Variants in NRG4 observed in about 807,000 individuals in gnomAD.
The protein encoded by NRG4 is neuregulin 4.
In NRG4, 10 loss-of-function variants were observed where a neutral mutation model predicts 15.0. The ratio of observed to expected loss-of-function variants is 0.67; its 90% confidence interval spans 0.41 to 1.13. The LOEUF is 1.13. NRG4 is among the 50% of genes most tolerant of loss of function. The pLI is 0.00. For missense variants in NRG4, 139 were observed against 140.2 expected, an observed-to-expected ratio of 0.99 and a Z score of 0.04; for synonymous variants, 41 against 50.1, an observed-to-expected ratio of 0.82 and a Z score of 0.77.
chr15:75,940,563 G>C (rs1396566385), downstream of NRG4: 1 of 151,498 alleles, frequency 6.6e-6, no homozygotes, highest in African/African-American at 2.4e-5. Flanking sequence ...ACAAATTGGA[G>C]GACTTAAACC....
downstream of NRG4, chr15:75,935,905 A>T (rs539617649): frequency 6.6e-6 from 1 of 152,130 alleles, no homozygotes; most frequent in South Asian, 2.1e-4. Context: ...CTCCTGCCTC[A>T]GCCTCCCGAG....
chr15:75,996,594 G>A (rs2034224563), intron 3 of NRG4, among the ~76,000 whole-genome samples: 1 of 152,050 alleles, frequency 6.6e-6, no homozygotes, highest in South Asian at 2.1e-4. Flanking sequence ...AAGAGATTTG[G>A]TCACAAAATT....
intron 3 of NRG4, among the ~76,000 whole-genome samples, chr15:75,966,294 T>C (rs1382286498): frequency 6.6e-6 from 1 of 152,220 alleles, no homozygotes; most frequent in Non-Finnish European, 1.5e-5. Flanking sequence ...GAAACATTAC[T>C]GGACTGTGAA....
chr15:76,024,816 A>G (rs1302809250), intron 5 of NRG4, among the ~76,000 whole-genome samples: 4 of 152,206 alleles, frequency 2.6e-5, no homozygotes, highest in African/African-American at 7.2e-5. Context: ...ATACTACATG[A>G]TAATCTAGAC....
chr15:76,045,594 A>G (rs1240632687), intron 4 of NRG4, among the ~76,000 whole-genome samples: 2 of 151,156 alleles, frequency 1.3e-5, no homozygotes, highest in East Asian at 3.8e-4. Flanking sequence ...CTATTCAGCC[A>G]TAAAAAAAAG....
At chr15:76,015,059 C>T (rs1209734315), upstream of NRG4, among the ~76,000 whole-genome samples, 1 of 152,180 alleles carries the variant, frequency 6.6e-6, no homozygotes, top group Non-Finnish European at 1.5e-5. Context: ...AGGTCCTTCA[C>T]ATCCCTTGTG....
intron 5 of NRG4, among the ~76,000 whole-genome samples, chr15:76,019,590 T>C (rs1432039872): frequency 2.6e-5 from 4 of 152,208 alleles, no homozygotes; most frequent in African/African-American, 9.6e-5. Flanking sequence ...TTCCCTTGGC[T>C]AGGGGGGTAG....
chr15:76,017,852 C>T (rs1379223804), intron 5 of NRG4, among the ~76,000 whole-genome samples: 1 of 152,030 alleles, frequency 6.6e-6, no homozygotes, highest in Admixed American at 6.6e-5. Flanking sequence ...CTCGGTATTT[C>T]CTGAATTTTA....
chr15:75,966,443 G>C (rs1168881144), intron 3 of NRG4, among the ~76,000 whole-genome samples: 24 of 152,188 alleles, frequency 1.6e-4, no homozygotes, highest in Admixed American at 1.6e-3. Flanking sequence ...AAGTAAGAAT[G>C]TCTAGAGTGC....
At chr15:75,998,862 T>C (rs1201448520) in intron 3 of NRG4, among the ~76,000 whole-genome samples, 1 of 152,122 alleles carries the variant, frequency 6.6e-6, no homozygotes, top group Non-Finnish European at 1.5e-5. Flanking sequence ...GAAACTTTCC[T>C]AAAGGGAATT....
intron 3 of NRG4, among the ~76,000 whole-genome samples, chr15:75,971,732 G>A (rs1355558565): frequency 6.6e-6 from 1 of 152,088 alleles, no homozygotes; most frequent in Non-Finnish European, 1.5e-5. Context: ...CTTTAAAGGT[G>A]CTAAACTCAA....
At chr15:76,049,828 A>T (rs1029632451) in intron 4 of NRG4, among the ~76,000 whole-genome samples, 2 of 150,634 alleles carry the variant, frequency 1.3e-5, no homozygotes, top group Non-Finnish European at 2.9e-5. Context: ...CCACTTGAAC[A>T]CACTGTTCTT....
chr15:76,050,828 T>C (rs2035989802), intron 4 of NRG4, among the ~76,000 whole-genome samples: 3 of 147,996 alleles, frequency 2.0e-5, no homozygotes, highest in Admixed American at 1.3e-4. Flanking sequence ...TTTTAAGATA[T>C]GGGGTCTCAG....
At chr15:75,950,568 C>T in intron 5 of NRG4, 1 of 245,922 alleles carries the variant, frequency 4.1e-6, no homozygotes, top group Non-Finnish European at 8.9e-6. Flanking sequence ...ACTCAATTAC[C>T]TCCGTTGTTT....
intron 1 of NRG4, 190 bp downstream of exon 1, chr15:76,012,129 C>G (rs2034831846): frequency 6.6e-6 from 1 of 151,996 alleles, no homozygotes; most frequent in South Asian, 2.1e-4. Flanking sequence ...CCAAGGTCTT[C>G]TCTCAAAGCC....
At chr15:76,033,115 T>G (rs751785154) in intron 5 of NRG4, among the ~76,000 whole-genome samples, 12 of 152,230 alleles carry the variant, frequency 7.9e-5, no homozygotes, top group Admixed American at 2.6e-4. Context: ...ATTCTACTCC[T>G]AAAAGTAAAA....
intron 3 of NRG4, among the ~76,000 whole-genome samples, chr15:75,973,748 G>A (rs1249239825): frequency 2.6e-5 from 4 of 152,166 alleles, no homozygotes; most frequent in Non-Finnish European, 1.5e-5. Flanking sequence ...GCTTTTTGAT[G>A]TGCTGCTGGA....
At chr15:75,996,205 T>A (rs185549094) in intron 3 of NRG4, among the ~76,000 whole-genome samples, 10 of 152,246 alleles carry the variant, frequency 6.6e-5, no homozygotes, top group Admixed American at 5.9e-4. Context: ...AATGCTTACT[T>A]TAGACACTAG....
At chr15:76,037,693 C>T (rs918649056) in intron 4 of NRG4, among the ~76,000 whole-genome samples, 3 of 152,086 alleles carry the variant, frequency 2.0e-5, no homozygotes, top group Admixed American at 1.3e-4. Flanking sequence ...ATGAGACTTA[C>T]TGAGACACAA....
Sources: allele counts gnomAD v4.1 joint callset (sites outside exome capture counted in the v4.1 genomes callset), GRCh38; gene constraint gnomAD v4.1.1; transcripts MANE v1.5; gene names NCBI Gene and HGNC (gene_info 2026-07-23, HGNC 2026-07-21).